Variants in CNTNAP2 observed in about 807,000 individuals in gnomAD.
CNTNAP2 encodes contactin-associated protein-like 2.
In CNTNAP2, 98 loss-of-function variants were observed where a neutral mutation model predicts 155.2. That is an observed-to-expected ratio of 0.63 (90% confidence interval 0.54 to 0.75). The LOEUF is 0.75. Among genes scored for constraint, CNTNAP2 ranks in the 30% least tolerant of loss-of-function variants. CNTNAP2 has a pLI of 0.00. For missense variants in CNTNAP2, 1,727 were observed against 1,688.1 expected (o/e 1.02, Z -0.40); for synonymous variants, 651 against 631.2 (o/e 1.03, Z -0.47).
chr7:147,013,627 T>A (rs1392189563), intron 3 of CNTNAP2, among the ~76,000 whole-genome samples: 1 of 152,142 alleles, frequency 6.6e-6, no homozygotes, highest in Non-Finnish European at 1.5e-5. Flanking sequence ...ATTGCTACAA[T>A]ACTTCATCCG....
At chr7:148,216,839 C>A (rs1291265597) in intron 18 of CNTNAP2, among the ~76,000 whole-genome samples, 1 of 152,148 alleles carries the variant, frequency 6.6e-6, no homozygotes, top group Non-Finnish European at 1.5e-5. Context: ...GGAGGTCTTT[C>A]TTGTGCTGTT....
At chr7:148,350,011 T>G (rs1798400033) in intron 21 of CNTNAP2, among the ~76,000 whole-genome samples, 1 of 152,216 alleles carries the variant, frequency 6.6e-6, no homozygotes, top group African/African-American at 2.4e-5. Flanking sequence ...GGCTTTGATG[T>G]ATCATTTTGG....
chr7:147,497,344 GCCAC>G (rs1798727266), intron 11 of CNTNAP2, among the ~76,000 whole-genome samples: 1 of 152,124 alleles, frequency 6.6e-6, no homozygotes, highest in South Asian at 2.1e-4. Context: ...CATCACGGAT[GCCAC>G]CACCAAATGC....
intron 18 of CNTNAP2, among the ~76,000 whole-genome samples, chr7:148,202,587 G>C (rs1046309032): frequency 2.0e-5 from 3 of 152,258 alleles, no homozygotes; most frequent in African/African-American, 7.2e-5. Context: ...AGAGGGGTGT[G>C]CTTGAAGCAT....
chr7:148,246,424 A>G (rs1238291692), intron 20 of CNTNAP2, among the ~76,000 whole-genome samples: 1 of 152,208 alleles, frequency 6.6e-6, no homozygotes, highest in African/African-American at 2.4e-5. Context: ...GGTCAACTTA[A>G]GCTTTATTGA....
intron 14 of CNTNAP2, among the ~76,000 whole-genome samples, 196 bp downstream of exon 14, chr7:147,903,917 G>A (rs992312065): frequency 4.6e-5 from 7 of 152,182 alleles, no homozygotes; most frequent in African/African-American, 1.7e-4. Context: ...TGCGACAAGG[G>A]TATGCATTTA....
chr7:147,804,344 C>T (rs1304126792), intron 13 of CNTNAP2, among the ~76,000 whole-genome samples: 1 of 152,156 alleles, frequency 6.6e-6, no homozygotes, highest in Non-Finnish European at 1.5e-5. Flanking sequence ...TCCAGAGAGA[C>T]ATGTAGAATC....
intron 1 of CNTNAP2, among the ~76,000 whole-genome samples, chr7:146,367,317 C>T (rs1447441085): frequency 2.6e-5 from 4 of 152,090 alleles, no homozygotes; most frequent in African/African-American, 7.2e-5. Flanking sequence ...ATCTTGTAAG[C>T]GGCAGAGCAA....
intron 1 of CNTNAP2, among the ~76,000 whole-genome samples, chr7:146,477,700 T>C (rs142757684): frequency 7.0e-6 from 1 of 142,216 alleles, no homozygotes; most frequent in Admixed American, 7.1e-5. Flanking sequence ...TACTAAAAAT[T>C]TATATATTTT....
intron 11 of CNTNAP2, among the ~76,000 whole-genome samples, chr7:147,509,913 C>A (rs1232355715): frequency 6.6e-6 from 1 of 152,040 alleles, no homozygotes; most frequent in Non-Finnish European, 1.5e-5. Flanking sequence ...ACCAGTCAAT[C>A]CAACAGTTCT....
At chr7:146,394,880 T>C (rs929004370) in intron 1 of CNTNAP2, among the ~76,000 whole-genome samples, 3 of 152,282 alleles carry the variant, frequency 2.0e-5, no homozygotes, top group Admixed American at 1.3e-4. Context: ...GGGTAATTTC[T>C]CATCTCTCAC....
rs927093360 is a variant in CNTNAP2, at chr7:146,875,539, A to C, written c.402+35635A>C. Among the ~76,000 whole-genome samples, 3 of 152,188 alleles carry C rather than the reference A, an allele frequency of 2.0e-5. No individual in the cohort carries two copies. In the East Asian group the frequency reaches 5.8e-4, roughly 29 times the overall value. ...GTCTTTCTCAAAAGACCTGGAAGCC[A>C]GCTCTTCGAAATGTAAACATCAATG... is the stretch of plus-strand genomic sequence containing the variant. On this transcript the variant is annotated intron_variant, in intron 3 of 23. Transcript: ENST00000361727.
intron 10 of CNTNAP2, among the ~76,000 whole-genome samples, chr7:147,427,110 C>G (rs1383282154): frequency 6.6e-6 from 1 of 152,076 alleles, no homozygotes; most frequent in Non-Finnish European, 1.5e-5. Flanking sequence ...ATTGCTACAT[C>G]CTTCAGAGGA....
chr7:146,837,888 C>G (rs1284628358), intron 2 of CNTNAP2, among the ~76,000 whole-genome samples: 1 of 152,092 alleles, frequency 6.6e-6, no homozygotes, highest in Non-Finnish European at 1.5e-5. Context: ...AGTCTGAAAT[C>G]AAATTTTTCC....
At chr7:147,065,780 T>C (rs10280080) in intron 4 of CNTNAP2, among the ~76,000 whole-genome samples, 11,052 of 152,240 alleles carry the variant, frequency 0.073, 482 homozygotes, top group Middle Eastern at 0.14. Context: ...TGCACAAAGC[T>C]AATAGGCATT....
intron 21 of CNTNAP2, among the ~76,000 whole-genome samples, chr7:148,310,929 C>T (rs937368820): frequency 3.3e-5 from 5 of 151,914 alleles, no homozygotes; most frequent in South Asian, 2.1e-4. Flanking sequence ...CTGTTATTTT[C>T]GGGGCTGGGT....
chr7:147,310,115 C>CT (rs35021212), intron 9 of CNTNAP2, among the ~76,000 whole-genome samples: 1 of 151,866 alleles, frequency 6.6e-6, no homozygotes, highest in South Asian at 2.1e-4. Context: ...ATTCCCAAGA[C>CT]TTTTTTTTAT....
chr7:147,507,803 G>A (rs897648940), intron 11 of CNTNAP2, among the ~76,000 whole-genome samples: 8 of 151,822 alleles, frequency 5.3e-5, no homozygotes, highest in African/African-American at 1.5e-4. Context: ...GGCCTGCCTC[G>A]TCCTCCCAAA....
At chr7:146,820,076 C>T (rs79037940) in intron 2 of CNTNAP2, among the ~76,000 whole-genome samples, 7,363 of 152,222 alleles carry the variant, frequency 0.048, 520 homozygotes, top group African/African-American at 0.16. Context: ...ATAGATATTT[C>T]GAGCAGTGCT....
Sources: allele counts gnomAD v4.1 joint callset (sites outside exome capture counted in the v4.1 genomes callset), GRCh38; gene constraint gnomAD v4.1.1; transcripts MANE v1.5; gene names NCBI Gene and HGNC (gene_info 2026-07-23, HGNC 2026-07-21).